The following PRORP variants were observed in gnomAD, a reference collection of about 807,000 sequenced individuals.
The protein encoded by PRORP is mitochondrial ribonuclease P catalytic subunit.
PRORP carries 51 observed loss-of-function variants against 59.4 expected under a neutral mutation model. The observed-to-expected ratio is 0.86, with a 90% CI of 0.69 to 1.08. The LOEUF is 1.08. PRORP is among the 50% of genes least tolerant of loss of function. The pLI is 0.00. For missense variants in PRORP, 646 were observed against 690.3 expected (o/e 0.94, Z 0.72); for synonymous variants, 231 against 245.6 (o/e 0.94, Z 0.55).
At chr14:35,158,566 T>C in intron 4 of PRORP, 1 of 258,896 alleles carries the variant, frequency 3.9e-6, no homozygotes, top group Non-Finnish European at 8.1e-6. Flanking sequence ...TATTATCTGG[T>C]TTAATTCCAT....
chr14:35,227,092 C>A (rs2049954097), intron 5 of PRORP, among the ~76,000 whole-genome samples: 1 of 151,266 alleles, frequency 6.6e-6, no homozygotes, highest in African/African-American at 2.4e-5. Context: ...TCTCTAAAAT[C>A]AGATTTCTTC....
chr14:35,211,828 A>G (rs1287129428), intron 5 of PRORP, among the ~76,000 whole-genome samples: 2 of 152,164 alleles, frequency 1.3e-5, no homozygotes, highest in African/African-American at 4.8e-5. Context: ...AAAGATAACA[A>G]TGAAATTTGC....
In PRORP at chr14:35,123,931, CATT is replaced by C; in HGVS notation, c.687_689del (p.Leu233del). 6.2e-7 allele frequency: 1 copy of C among 1,614,102 alleles called. No homozygotes were observed. The highest frequency in any genetic ancestry group is 1.1e-5 in the South Asian group (1 of 91,084). On this transcript the variant is annotated inframe_deletion, in exon 2 of 8. Coordinates refer to ENST00000534898, the MANE Select transcript of PRORP (RefSeq NM_014672.4). ...ATCCATTCAGACAGATGGAGAGAAG[CATT>C]GTTGCTGTTAGAGGACATCAAAAAA...
chr14:35,266,242 A>G (rs2415283), intron 5 of PRORP, among the ~76,000 whole-genome samples: 150,819 of 151,332 alleles, frequency 1, 75,153 homozygotes, highest in Middle Eastern at 1. Context: ...ACTTGAACCC[A>G]GGAGGGAGAG....
chr14:35,172,488 C>G (rs61460084), intron 4 of PRORP, among the ~76,000 whole-genome samples: 13 of 104,458 alleles, frequency 1.2e-4, no homozygotes, highest in Non-Finnish European at 1.9e-4. Context: ...CTTTCTTTCC[C>G]TTCCTCTCTC....
chr14:35,129,073 C>T lies in PRORP; in HGVS notation c.1167+1462C>T, dbSNP rs373535562. 1.5e-4 allele frequency among the ~76,000 whole-genome samples: 22 copies of T among 151,252 alleles called. No individual in the cohort carries two copies. The East Asian group carries it at 2.9e-3, about 20-fold the overall frequency. ...AAAAAAAAAAATTAGCTGGGCATGG[C>T]GGCGCACGCTGGTAATCCCAGCTAC... On this transcript the variant is annotated intron_variant, in intron 4 of 7. Transcript: ENST00000534898.
At chr14:35,238,265 T>G (rs761392498) in intron 5 of PRORP, among the ~76,000 whole-genome samples, 5 of 152,214 alleles carry the variant, frequency 3.3e-5, no homozygotes, top group Non-Finnish European at 5.9e-5. Flanking sequence ...TCTTTTACCG[T>G]GCCGCACTAT....
At chr14:35,214,090 A>G (rs999512950) in intron 5 of PRORP, among the ~76,000 whole-genome samples, 1 of 152,242 alleles carries the variant, frequency 6.6e-6, no homozygotes, top group Non-Finnish European at 1.5e-5. Flanking sequence ...TTCTTTATTC[A>G]TCACTTGTCA....
chr14:35,232,192 ATT>A (rs35565906), intron 5 of PRORP, among the ~76,000 whole-genome samples: 2 of 142,764 alleles, frequency 1.4e-5, no homozygotes, highest in African/African-American at 2.6e-5. Context: ...GGCCATGCAG[ATT>A]TTTTTTTTTT....
At chr14:35,197,350 G>A (rs548228091) in intron 5 of PRORP, among the ~76,000 whole-genome samples, 45 of 152,238 alleles carry the variant, frequency 3.0e-4, no homozygotes, top group African/African-American at 1.1e-3. Context: ...TTAAATATTT[G>A]TTGTCAGTAA....
chr14:35,273,845 A>C lies in PRORP; in HGVS notation c.*279A>C, dbSNP rs753296298. On this transcript the variant is annotated 3_prime_UTR_variant, in exon 8 of 8. Coordinates refer to ENST00000534898, the MANE Select transcript of PRORP (RefSeq NM_014672.4). ...TCCTACTGGGCCAGCTATTCCACTT[A>C]GCTTGGGTGACTAATAGTGCTTTTG... 4 of 224,090 alleles carry C rather than the reference A, an allele frequency of 1.8e-5. No individual in the cohort carries two copies. The highest frequency in any genetic ancestry group is 2.6e-5 in the Non-Finnish European group (3 of 114,820). The allele number at this position is 224,090 out of a possible 1,614,324, so 13.9% of individuals were successfully genotyped here.
chr14:35,125,809 G>A (rs555442547), intron 2 of PRORP, among the ~76,000 whole-genome samples: 1 of 152,242 alleles, frequency 6.6e-6, no homozygotes, highest in East Asian at 1.9e-4. Context: ...ATAGCTTGAG[G>A]CCAGGAGTTG....
intron 5 of PRORP, among the ~76,000 whole-genome samples, chr14:35,183,732 T>G (rs1170537275): frequency 6.6e-6 from 1 of 152,166 alleles, no homozygotes; most frequent in Non-Finnish European, 1.5e-5. Context: ...ATAACACATT[T>G]CTTTAAGGTT....
At chr14:35,145,804 A>ATTATTTACTTAT (rs2138865359) in intron 4 of PRORP, among the ~76,000 whole-genome samples, 1 of 21,394 alleles carries the variant, frequency 4.7e-5, no homozygotes, top group African/African-American at 1.7e-4. Flanking sequence ...ATTTTATTTG[A>ATTATTTACTTAT]TTATTTATTT....
intron 5 of PRORP, among the ~76,000 whole-genome samples, chr14:35,193,696 T>C (rs2048941400): frequency 6.6e-6 from 1 of 151,670 alleles, no homozygotes; most frequent in Admixed American, 6.6e-5. Flanking sequence ...ATGCTTGAAA[T>C]TATGTTTCAA....
intron 4 of PRORP, among the ~76,000 whole-genome samples, chr14:35,131,932 C>T (rs1230944391): frequency 2.6e-5 from 4 of 151,110 alleles, no homozygotes. Flanking sequence ...CTCCGCCTCC[C>T]AGGTTCAAGT....
chr14:35,216,439 G>A (rs1420396962), intron 5 of PRORP, among the ~76,000 whole-genome samples: 1 of 151,756 alleles, frequency 6.6e-6, no homozygotes, highest in African/African-American at 2.4e-5. Flanking sequence ...CCCCCAAGTA[G>A]CTGGGACCAG....
chr14:35,271,467 A>G (rs2051188019), intron 7 of PRORP, among the ~76,000 whole-genome samples: 1 of 151,870 alleles, frequency 6.6e-6, no homozygotes, highest in Non-Finnish European at 1.5e-5. Context: ...ATAAATTATA[A>G]CTTCTTACAT....
At chr14:35,155,562 A>T (rs1406452395) in intron 4 of PRORP, among the ~76,000 whole-genome samples, 2 of 11,294 alleles carry the variant, frequency 1.8e-4, no homozygotes, top group African/African-American at 3.3e-4. Flanking sequence ...TGTCTATTTA[A>T]AAAAAAAAAA....
Sources: gnomAD v4.1 joint callset for allele counts (sites outside exome capture counted in the v4.1 genomes callset) on GRCh38, gnomAD v4.1.1 for gene constraint, MANE v1.5 for transcripts, NCBI Gene and HGNC (gene_info 2026-07-23, HGNC 2026-07-21) for gene names.